CTNND2: variants seen among roughly 807,000 people sequenced by gnomAD.
The protein encoded by CTNND2 is catenin delta 2.
Under a neutral mutation model 144.4 loss-of-function variants are expected in CTNND2, and 22 were observed. That is an observed-to-expected ratio of 0.15 (90% confidence interval 0.11 to 0.22). CTNND2 has a LOEUF of 0.22. CTNND2 is among the 10% of genes least tolerant of loss of function. The probability of loss-of-function intolerance (pLI) is 1.00; values close to 1 mark genes in which losing one functional copy is unlikely to be tolerated. For synonymous variants in CTNND2, 751 were observed against 695.6 expected, an observed-to-expected ratio of 1.08 and a Z score of -1.25; for missense variants, 1,353 against 1,618.8, an observed-to-expected ratio of 0.84 and a Z score of 2.82.
chr5:11,532,608 C>T (rs1437895086), intron 3 of CTNND2, among the ~76,000 whole-genome samples: 1 of 152,124 alleles, frequency 6.6e-6, no homozygotes, highest in Non-Finnish European at 1.5e-5. Flanking sequence ...AATCGGGCAA[C>T]TCACCAACTA....
At chr5:11,743,859 C>G (rs917014272) in intron 1 of CTNND2, among the ~76,000 whole-genome samples, 1 of 152,060 alleles carries the variant, frequency 6.6e-6, no homozygotes, top group Non-Finnish European at 1.5e-5. Flanking sequence ...CTTGGTGGGT[C>G]AGGAAACCCA....
At chr5:11,120,375 G>C (rs1315652420) in intron 12 of CTNND2, among the ~76,000 whole-genome samples, 1 of 151,766 alleles carries the variant, frequency 6.6e-6, no homozygotes, top group Admixed American at 6.6e-5. Flanking sequence ...TTATTATACT[G>C]TCTGCAGGCA....
chr5:11,802,347 C>T (rs1312426928), intron 1 of CTNND2, among the ~76,000 whole-genome samples: 1 of 151,796 alleles, frequency 6.6e-6, no homozygotes, highest in African/African-American at 2.4e-5. Flanking sequence ...GCAGGAGGAT[C>T]ACCTGAGGTC....
At chr5:11,802,364 T>C (rs1018212736) in intron 1 of CTNND2, among the ~76,000 whole-genome samples, 10 of 151,806 alleles carry the variant, frequency 6.6e-5, no homozygotes, top group African/African-American at 2.2e-4. Context: ...GGTCAGGAGT[T>C]TGAAACCAGC....
intron 13 of CTNND2, among the ~76,000 whole-genome samples, chr5:11,115,453 A>T (rs1393474247): frequency 6.6e-6 from 1 of 152,204 alleles, no homozygotes; most frequent in Non-Finnish European, 1.5e-5. Context: ...CACCACTCTG[A>T]ATATGACGAT....
chr5:11,527,509 G>A (rs62338561), intron 3 of CTNND2, among the ~76,000 whole-genome samples: 62,392 of 151,754 alleles, frequency 0.41, 13,282 homozygotes, highest in Middle Eastern at 0.53. Flanking sequence ...ACTCAGGCTC[G>A]AGGTCTCCCC....
intron 9 of CTNND2, among the ~76,000 whole-genome samples, chr5:11,262,639 G>A (rs991887595): frequency 4.0e-5 from 6 of 151,550 alleles, no homozygotes; most frequent in African/African-American, 1.5e-4. Flanking sequence ...GCGGGCACCT[G>A]TAGTCCCAGC....
intron 8 of CTNND2, among the ~76,000 whole-genome samples, chr5:11,354,799 C>T (rs1190990993): frequency 6.6e-6 from 1 of 152,180 alleles, no homozygotes; most frequent in Non-Finnish European, 1.5e-5. Flanking sequence ...TCAGAATACA[C>T]ATTCTTCTAA....
intron 1 of CTNND2, among the ~76,000 whole-genome samples, chr5:11,864,695 C>T (rs10474939): frequency 0.65 from 99,188 of 151,748 alleles, 33,047 homozygotes; most frequent in East Asian, 0.81. Context: ...TGAGTGGCAT[C>T]CCTGGACTTT....
rs1580356032 is a variant in CTNND2 at position 11,126,354 on chromosome 5, TAATG to T, written c.2160-8791_2160-8788del. Among the ~76,000 whole-genome samples, 5 of 152,372 alleles carry T rather than the reference TAATG, an allele frequency of 3.3e-5. No individual in the cohort carries two copies. The East Asian group carries it at 9.6e-4, about 29-fold the overall frequency. ...ATAATTTTTTAAATTAATACCCTGT[TAATG>T]AATATCCAGATTATTTCTAATTTTT... On this transcript the variant is annotated intron_variant, in intron 12 of 21. Coordinates refer to ENST00000304623, the MANE Select transcript of CTNND2 (RefSeq NM_001332.4).
chr5:11,120,771 G>A (rs1264019069), intron 12 of CTNND2, among the ~76,000 whole-genome samples: 1 of 152,116 alleles, frequency 6.6e-6, no homozygotes, highest in Non-Finnish European at 1.5e-5. Flanking sequence ...CAGACTTGAA[G>A]AGGGCGTTAT....
At chr5:11,227,242 C>T (rs1371690059) in intron 10 of CTNND2, among the ~76,000 whole-genome samples, 1 of 152,254 alleles carries the variant, frequency 6.6e-6, no homozygotes, top group Non-Finnish European at 1.5e-5. Flanking sequence ...TTGCCACCTG[C>T]TCTGTGCTGG....
intron 3 of CTNND2, among the ~76,000 whole-genome samples, chr5:11,421,452 G>A (rs1437175037): frequency 6.6e-6 from 1 of 152,150 alleles, no homozygotes; most frequent in East Asian, 1.9e-4. Context: ...GCACCAAACA[G>A]GGAAACACCC....
intron 1 of CTNND2, among the ~76,000 whole-genome samples, chr5:11,835,354 G>T (rs1028995111): frequency 6.6e-6 from 1 of 152,058 alleles, no homozygotes; most frequent in Non-Finnish European, 1.5e-5. Flanking sequence ...TCTGTTTTCT[G>T]CACAAAAGCA....
chr5:11,553,215 C>T (rs1244692719), intron 3 of CTNND2, among the ~76,000 whole-genome samples: 1 of 152,140 alleles, frequency 6.6e-6, no homozygotes, highest in Non-Finnish European at 1.5e-5. Flanking sequence ...TCCAGCAGTG[C>T]GCATGGAGAC....
intron 3 of CTNND2, among the ~76,000 whole-genome samples, chr5:11,473,970 G>C (rs1279295013): frequency 1.3e-5 from 2 of 152,216 alleles, no homozygotes; most frequent in Non-Finnish European, 1.5e-5. Flanking sequence ...ACCATGTTTG[G>C]CTGGGATTTA....
At chr5:11,247,339 A>T (rs989117039) in intron 9 of CTNND2, among the ~76,000 whole-genome samples, 2 of 152,130 alleles carry the variant, frequency 1.3e-5, no homozygotes, top group African/African-American at 4.8e-5. Flanking sequence ...GTGTGAGAAA[A>T]GAAAGAGGCC....
intron 3 of CTNND2, among the ~76,000 whole-genome samples, chr5:11,524,860 C>A (rs1272115326): frequency 6.6e-6 from 1 of 151,754 alleles, no homozygotes; most frequent in Non-Finnish European, 1.5e-5. Context: ...AGGAAGCAAA[C>A]CTTAAAAAAA....
At chr5:11,162,031 T>G (rs1240030848) in intron 11 of CTNND2, among the ~76,000 whole-genome samples, 1 of 151,728 alleles carries the variant, frequency 6.6e-6, no homozygotes, top group East Asian at 1.9e-4. Flanking sequence ...GTGCTTATAA[T>G]CCCAGCTACT....
Sources: gnomAD v4.1 joint callset for allele counts (sites outside exome capture counted in the v4.1 genomes callset) on GRCh38, gnomAD v4.1.1 for gene constraint, MANE v1.5 for transcripts, NCBI Gene and HGNC (gene_info 2026-07-23, HGNC 2026-07-21) for gene names.